The following HOGA1 variants were observed in gnomAD, a reference collection of about 807,000 sequenced individuals.
HOGA1 encodes the protein 4-hydroxy-2-oxoglutarate aldolase, mitochondrial.
HOGA1 carries 30 observed loss-of-function variants against 34.3 expected under a neutral mutation model. That is an observed-to-expected ratio of 0.87 (90% CI 0.65 to 1.19). The LOEUF (loss-of-function observed/expected upper bound fraction) is 1.19, where lower values mean the gene tolerates loss of function less well. Among genes scored for constraint, HOGA1 ranks in the 50% most tolerant of loss-of-function variants. The pLI, the probability that HOGA1 is intolerant of heterozygous loss-of-function variation, is 0.00. For synonymous variants in HOGA1, 161 were observed against 174.0 expected (o/e 0.93, Z 0.59); for missense variants, 417 against 436.5 (o/e 0.96, Z 0.40).
chr10:97,591,418 T>C (rs982166365), intron 1 of HOGA1, among the ~76,000 whole-genome samples: 2 of 151,602 alleles, frequency 1.3e-5, no homozygotes, highest in Non-Finnish European at 2.9e-5. Flanking sequence ...TTTAACTTAA[T>C]TTAATTTAAT....
At chr10:97,589,935 CCT>C (rs1188853621) in intron 1 of HOGA1, 14 of 1,613,826 alleles carry the variant, frequency 8.7e-6, no homozygotes, top group Non-Finnish European at 1.2e-5. Flanking sequence ...AGAAAGGAAA[CCT>C]CTGAGTGTCC....
At chr10:97,610,256 T>C (rs1271547538) in intron 6 of HOGA1, among the ~76,000 whole-genome samples, 3 of 152,002 alleles carry the variant, frequency 2.0e-5, no homozygotes, top group Admixed American at 1.3e-4. Context: ...TCACTTGAGC[T>C]CAGGAGTTTG....
chr10:97,593,875 GT>G lies in HOGA1; in HGVS notation c.212-4890del, dbSNP rs534497237. On this transcript the variant is annotated intron_variant, in intron 1 of 6. Transcript: ENST00000370646. ...TCTGGGGAACCATGGCAGTCAACTT[GT>G]TTTTTTTTTGAGACCGAGTTTCACT... 4.5e-3 allele frequency among the ~76,000 whole-genome samples: 663 copies of G among 148,692 alleles called. 12 individuals are homozygous for G. Among genetic ancestry groups the G allele is most frequent in the South Asian group, 0.034 (160 of 4,678 alleles).
At chr10:97,600,305 C>G (rs1463540980) in intron 5 of HOGA1, 142 bp downstream of exon 5, 3 of 731,078 alleles carry the variant, frequency 4.1e-6, no homozygotes, top group Non-Finnish European at 7.4e-6. Flanking sequence ...AACTCAGAAA[C>G]CTGGCCACGC....
intron 1 of HOGA1, among the ~76,000 whole-genome samples, chr10:97,588,020 C>G (rs1174630209): frequency 1.3e-5 from 2 of 151,178 alleles, no homozygotes; most frequent in East Asian, 3.9e-4. Flanking sequence ...CCGTGTTGCC[C>G]AGGCTGATCT....
chr10:97,599,144 G>A lies in HOGA1; in HGVS notation c.396G>A (p.Ala132=), dbSNP rs41290456. ...TVSMAQVGAD[A]AMVVTPCYYR... ...GCATGGCCCAGGTCGGGGCTGACGC[G>A]GCCATGGTGGTGACCCCTTGCTACT... Residue 132 remains alanine, a synonymous_variant, in exon 3 of 7, where the codon GCG becomes GCA. Coordinates refer to ENST00000370646, the MANE Select transcript of HOGA1 (RefSeq NM_138413.4). The A allele has an allele frequency of 0.026, 41,387 of 1,613,784 alleles. 997 individuals are homozygous for A. The highest frequency in any genetic ancestry group is 0.088 in the Admixed American group (5,271 of 60,018).
chr10:97,590,301 A>G, intron 1 of HOGA1: 1 of 1,613,786 alleles, frequency 6.2e-7, no homozygotes, highest in African/African-American at 1.3e-5. Context: ...AAGGAGATTG[A>G]CACCCAGGGG....
chr10:97,595,104 C>T (rs943476518), intron 1 of HOGA1, among the ~76,000 whole-genome samples: 7 of 152,176 alleles, frequency 4.6e-5, no homozygotes, highest in African/African-American at 1.2e-4. Flanking sequence ...CAGCCCCAAA[C>T]GCCCACTCCC....
chr10:97,587,510 G>C (rs1014586182), intron 1 of HOGA1, among the ~76,000 whole-genome samples: 2 of 152,042 alleles, frequency 1.3e-5, no homozygotes, highest in South Asian at 4.1e-4. Context: ...CCCTGAAACT[G>C]TGTAGCTTTT....
chr10:97,599,029 C>T, intron 2 of HOGA1, 60 bp from the exon 3 acceptor site: 1 of 1,608,306 alleles, frequency 6.2e-7, no homozygotes, highest in Non-Finnish European at 8.5e-7. Context: ...CTTCGCTTGG[C>T]CCAGTGTCCT....
In HOGA1 at chr10:97,584,910, C is replaced by G; in HGVS notation, c.207C>G (p.Phe69Leu). 6.2e-7 allele frequency: 1 copy of G among 1,613,918 alleles called. No individual in the cohort carries two copies. The highest frequency in any genetic ancestry group is 8.5e-7 in the Non-Finnish European group (1 of 1,179,898). The change falls in exon 1 of 7, where the codon TTC becomes TTG. Residue 69 changes from phenylalanine to leucine, a missense_variant. By Grantham distance (22) the Phe-to-Leu change is conservative. Coordinates refer to ENST00000370646, the MANE Select transcript of HOGA1 (RefSeq NM_138413.4). ...ENLHKLGTFP[F>L]RGFVVQGSNG... ...TGCACAAACTGGGCACCTTCCCCTT[C>G]CGAGGTAAGTGGGGCTGTCCTCTGT...
In HOGA1 at chr10:97,599,223, G is replaced by A; in HGVS notation, c.468+7G>A. The A allele has an allele frequency of 1.9e-6, 3 of 1,613,988 alleles. No homozygotes were observed. Among genetic ancestry groups the A allele is most frequent in the Non-Finnish European group, 2.5e-6 (3 of 1,180,010 alleles). On this transcript the variant is annotated splice_region_variant and intron_variant, in intron 3 of 6. Coordinates refer to ENST00000370646, the MANE Select transcript of HOGA1 (RefSeq NM_138413.4). ...CATTCACCACTACACCAAGGTGTGT[G>A]TGAGGCCTGAGACCAAGAGGAGGCT...
In HOGA1 at chr10:97,598,829, G is replaced by A. The variant is rs765160493; in HGVS notation, c.266G>A (p.Arg89His). The A allele has an allele frequency of 1.5e-5, 24 of 1,614,166 alleles. No homozygotes were observed. Among genetic ancestry groups the A allele is most frequent in the South Asian group, 1.3e-4 (12 of 91,082 alleles). Residue 89 changes from arginine to histidine, a missense_variant, in exon 2 of 7, where the codon CGC becomes CAC. Transcript: ENST00000370646. ...GEFPFLTSSE[R>H]LEVVSRVRQA... ...TTTCCTTTCCTGACCAGCAGTGAGCGCCTCGAGGTGGTGAGCCGTGTGCGC... is the reference window on the plus strand; with the variant it reads ...TTTCCTTTCCTGACCAGCAGTGAGCACCTCGAGGTGGTGAGCCGTGTGCGC...
In HOGA1 at chr10:97,598,894, G is replaced by A. The variant is rs200529020; in HGVS notation, c.331G>A (p.Gly111Arg). 9.3e-6 allele frequency: 15 copies of A among 1,613,970 alleles called. No individual in the cohort carries two copies. Among genetic ancestry groups the A allele is most frequent in the African/African-American group, 5.3e-5 (4 of 75,052 alleles). ...GAACAGGCTCCTGCTAGCTGGCTCC[G>A]GATGCGAGTGTGAGCCAGAATGCCC... is the stretch of plus-strand genomic sequence containing the variant. Reference protein sequence around the residue: ...PKNRLLLAGSGCESTQATVEM... With the variant: ...PKNRLLLAGSRCESTQATVEM... The change falls in exon 2 of 7, where the codon GGA becomes AGA. Residue 111 changes from glycine (G) to arginine (R), a missense_variant. Transcript: ENST00000370646.
intron 3 of HOGA1, 107 bp downstream of exon 3, chr10:97,599,323 G>A (rs754908038): frequency 4.5e-6 from 6 of 1,345,104 alleles, no homozygotes; most frequent in African/African-American, 1.4e-5. Flanking sequence ...TAGGAAACGG[G>A]TGGACTGCCA....
chr10:97,585,966 G>A (rs185715148), intron 1 of HOGA1, among the ~76,000 whole-genome samples: 1 of 152,132 alleles, frequency 6.6e-6, no homozygotes, highest in East Asian at 1.9e-4. Flanking sequence ...GTGAAACCCC[G>A]TCTCTACTAA....
At chr10:97,590,074 T>G (rs1025401328) in intron 1 of HOGA1, 1 of 1,614,134 alleles carries the variant, frequency 6.2e-7, no homozygotes, top group Non-Finnish European at 8.5e-7. Context: ...GTGGCAATGC[T>G]ACCCAGACTG....
At chr10:97,608,738 G>A (rs769547962) in intron 6 of HOGA1, among the ~76,000 whole-genome samples, 5 of 151,928 alleles carry the variant, frequency 3.3e-5, no homozygotes, top group East Asian at 1.9e-4. Context: ...CTCAGGAGGC[G>A]GAAGTTGCAG....
chr10:97,593,529 A>C (rs1202931632), intron 1 of HOGA1, among the ~76,000 whole-genome samples: 1 of 152,218 alleles, frequency 6.6e-6, no homozygotes, highest in African/African-American at 2.4e-5. Context: ...AAAAATGCTT[A>C]AGCATTTCAT....
Sources: allele counts gnomAD v4.1 joint callset (sites outside exome capture counted in the v4.1 genomes callset), GRCh38; gene constraint gnomAD v4.1.1; transcripts MANE v1.5; gene names NCBI Gene and HGNC (gene_info 2026-07-23, HGNC 2026-07-21).